Variants in SCAI observed in about 807,000 individuals in gnomAD.
The protein encoded by SCAI is suppressor of cancer cell invasion, also known as protein SCAI.
A neutral mutation model predicts 92.2 loss-of-function variants in SCAI; 24 were observed. The observed-to-expected ratio is 0.26, with a 90% CI of 0.19 to 0.37. The LOEUF is 0.37. SCAI is among the 10% of genes least tolerant of loss of function. SCAI has a pLI of 1.00. For missense variants in SCAI, 450 were observed against 736.2 expected, an observed-to-expected ratio of 0.61 and a Z score of 4.50; for synonymous variants, 261 against 258.6, an observed-to-expected ratio of 1.01 and a Z score of -0.09.
At position 124,996,207 on chromosome 9, in the gene SCAI, G is replaced by A. The variant is rs888488447; in HGVS notation, c.1245-1192C>T. On this transcript the variant is annotated intron_variant, in intron 13 of 17. Coordinates refer to ENST00000336505, the MANE Select transcript of SCAI (RefSeq NM_001144877.3). ...ACCGTTACCCTTCGTGTGTGTGGGC[G>A]GTGGGGCGGGGGTGGGGGGGTGGTG... Among the ~76,000 whole-genome samples the A allele has an allele frequency of 3.3e-5, 5 of 150,730 alleles. No homozygotes were observed. In the East Asian group the frequency reaches 5.9e-4, roughly 18 times the overall value.
chr9:124,977,893 C>A (rs1244665279), intron 14 of SCAI, among the ~76,000 whole-genome samples: 1 of 151,962 alleles, frequency 6.6e-6, no homozygotes, highest in Non-Finnish European at 1.5e-5. Flanking sequence ...ATACTTCATA[C>A]CACACACTAG....
intron 2 of SCAI, among the ~76,000 whole-genome samples, chr9:125,126,267 C>A (rs975882259): frequency 2.3e-4 from 35 of 152,202 alleles, no homozygotes; most frequent in African/African-American, 8.4e-4. Flanking sequence ...GCAGGCCTCA[C>A]TTCCTCACCA....
chr9:125,136,580 C>CTAGGATTACAG (rs1835536604), intron 2 of SCAI, among the ~76,000 whole-genome samples: 1 of 150,790 alleles, frequency 6.6e-6, no homozygotes, highest in Admixed American at 6.7e-5. Flanking sequence ...CCCGCCCCAG[C>CTAGGATTACAG]CTCCTGAGTA....
intron 14 of SCAI, among the ~76,000 whole-genome samples, chr9:124,983,761 A>G (rs1831934524): frequency 1.3e-5 from 2 of 152,264 alleles, no homozygotes; most frequent in Admixed American, 1.3e-4. Context: ...CAAGTGCTAC[A>G]TATGGAAGCA....
intron 2 of SCAI, among the ~76,000 whole-genome samples, chr9:125,070,153 A>C (rs1195199875): frequency 6.6e-6 from 1 of 152,168 alleles, no homozygotes; most frequent in Non-Finnish European, 1.5e-5. Context: ...AAACAGCATA[A>C]ATTGAAAAAT....
chr9:125,000,603 GAA>G (rs11315935), intron 12 of SCAI, among the ~76,000 whole-genome samples: 6 of 144,242 alleles, frequency 4.2e-5, no homozygotes, highest in Non-Finnish European at 4.6e-5. Flanking sequence ...CCCTGTCTCA[GAA>G]AAAAAAAAAG....
At chr9:124,962,332 G>A (rs1253760272) in intron 17 of SCAI, among the ~76,000 whole-genome samples, 4 of 151,764 alleles carry the variant, frequency 2.6e-5, no homozygotes, top group South Asian at 2.1e-4. Flanking sequence ...GCTAATTTTT[G>A]TATTTTTAGT....
chr9:125,108,542 G>A (rs1451834948), intron 2 of SCAI, among the ~76,000 whole-genome samples: 5 of 151,562 alleles, frequency 3.3e-5, no homozygotes, highest in African/African-American at 1.2e-4. Flanking sequence ...TGGGAGGTGA[G>A]GAGCGTCTCT....
Position 125,028,487 on chromosome 9 carries a change from T to C in SCAI, c.327-9A>G, listed in dbSNP as rs999385966. 6.7e-6 allele frequency: 10 copies of C among 1,501,206 alleles called. No homozygotes were observed. Among genetic ancestry groups the C allele is most frequent in the Non-Finnish European group, 9.0e-6 (10 of 1,113,370 alleles). The allele number at this position is 1,501,206 out of a possible 1,614,324, so 93.0% of individuals were successfully genotyped here. On this transcript the variant is annotated splice_polypyrimidine_tract_variant and intron_variant, in intron 4 of 17. Transcript: ENST00000336505. ...GATTATCCAAGACTTGTCTGTTTTA[T>C]ATAGGATACAAGAAAATAGAAATGA...
At chr9:125,069,413 G>T (rs1251527643) in intron 2 of SCAI, among the ~76,000 whole-genome samples, 1 of 150,128 alleles carries the variant, frequency 6.7e-6, no homozygotes, top group Non-Finnish European at 1.5e-5. Flanking sequence ...CGCCTCTGGG[G>T]TTCATGCCAT....
At chr9:124,953,640 T>C (rs1210525785) in intron 17 of SCAI, among the ~76,000 whole-genome samples, 2 of 151,984 alleles carry the variant, frequency 1.3e-5, no homozygotes, top group Non-Finnish European at 2.9e-5. Context: ...CTCGAACTCC[T>C]GAACTCAGGT....
chr9:125,027,497 C>CCTTTT (rs375691027), intron 5 of SCAI, among the ~76,000 whole-genome samples: 2 of 151,850 alleles, frequency 1.3e-5, no homozygotes, highest in African/African-American at 2.4e-5. Flanking sequence ...AGTTTTATTG[C>CCTTTT]CTTTTCTTTT....
Position 125,075,450 on chromosome 9 carries a change from T to C in SCAI, c.99-19443A>G, listed in dbSNP as rs570649880. Reference sequence around the variant, plus strand: ...CTGAGACAGCTTCTCACTTACTCTGTCAGTGGCATGATCTCCCGGCTCACT... The same window carrying C: ...CTGAGACAGCTTCTCACTTACTCTGCCAGTGGCATGATCTCCCGGCTCACT... On this transcript the variant is annotated intron_variant, in intron 2 of 17. Transcript: ENST00000336505. Among the ~76,000 whole-genome samples the C allele has an allele frequency of 5.3e-5, 8 of 151,840 alleles. No homozygotes were observed. In the South Asian group the frequency reaches 1.5e-3, roughly 28 times the overall value.
chr9:125,006,514 C>T (rs1303040251), intron 9 of SCAI, among the ~76,000 whole-genome samples: 7 of 151,890 alleles, frequency 4.6e-5, no homozygotes, highest in South Asian at 2.1e-4. Flanking sequence ...TCATTTGAGA[C>T]GGAGTCTCGC....
chr9:125,073,090 T>G (rs1370105330), intron 2 of SCAI, among the ~76,000 whole-genome samples: 2 of 140,300 alleles, frequency 1.4e-5, no homozygotes, highest in Non-Finnish European at 3.1e-5. Flanking sequence ...ATTCTATTTT[T>G]AATTTTTTTT....
intron 9 of SCAI, among the ~76,000 whole-genome samples, chr9:125,007,135 A>T (rs1832527649): frequency 6.6e-6 from 1 of 152,188 alleles, no homozygotes; most frequent in South Asian, 2.1e-4. Context: ...AAGAAAAGAA[A>T]GAGAATGCTG....
rs115695079 is a variant in SCAI, at chr9:124,953,985, A to C, written c.1675-1032T>G. Among the ~76,000 whole-genome samples the C allele has an allele frequency of 5.1e-3, 774 of 152,266 alleles. 5 individuals are homozygous for C. Among genetic ancestry groups the C allele is most frequent in the African/African-American group, 0.018 (729 of 41,552 alleles). On this transcript the variant is annotated intron_variant, in intron 17 of 17. Transcript: ENST00000336505. ...CACCTCAGTCTCCCAAGAAGCTGGC[A>C]CCACAGGTGTGCACAACCATGCGCA...
intron 15 of SCAI, chr9:124,975,346 G>T (rs1831734196): frequency 4.4e-6 from 2 of 456,646 alleles, no homozygotes; most frequent in South Asian, 1.5e-5. Context: ...CTTCTGGCTG[G>T]GAAGTAGCAG....
At chr9:125,126,407 G>C (rs1381409275) in intron 2 of SCAI, among the ~76,000 whole-genome samples, 2 of 152,142 alleles carry the variant, frequency 1.3e-5, no homozygotes, top group East Asian at 3.9e-4. Context: ...GTGTGTGTGT[G>C]TGTGTGTGTG....
Sources: allele counts gnomAD v4.1 joint callset (sites outside exome capture counted in the v4.1 genomes callset), GRCh38; gene constraint gnomAD v4.1.1; transcripts MANE v1.5; gene names NCBI Gene and HGNC (gene_info 2026-07-23, HGNC 2026-07-21).